TXK: variants seen among roughly 807,000 people sequenced by gnomAD.
TXK encodes the protein tyrosine-protein kinase TXK.
TXK carries 60 observed loss-of-function variants against 81.0 expected under a neutral mutation model. The ratio of observed to expected loss-of-function variants is 0.74; its 90% confidence interval spans 0.60 to 0.92. The LOEUF is 0.92. TXK is among the 40% of genes least tolerant of loss of function. TXK has a pLI of 0.00. For synonymous variants in TXK, 203 were observed against 210.7 expected, an observed-to-expected ratio of 0.96 and a Z score of 0.32; for missense variants, 581 against 638.3, an observed-to-expected ratio of 0.91 and a Z score of 0.97.
chr4:48,093,944 G>T, intron 8 of TXK, 133 bp downstream of exon 8: 1 of 1,251,280 alleles, frequency 8.0e-7, no homozygotes, highest in Non-Finnish European at 1.1e-6. Context: ...TTGCTCAAAA[G>T]ATAAGTTGTA....
chr4:48,100,034 C>T (rs1211664121), intron 6 of TXK, among the ~76,000 whole-genome samples: 3 of 151,078 alleles, frequency 2.0e-5, no homozygotes, highest in Non-Finnish European at 4.4e-5. Context: ...TAGCCGGGCG[C>T]AGTGGCGGGC....
rs11341305 is a variant in TXK, at chr4:48,100,171, CAAAAAAA to C, written c.501+4723_501+4729del. ...TGGGCGACAGAAAGAGACTCCATCT[CAAAAAAA>C]AAAAAAAAAAAAAAAAATGCATAAA... On this transcript the variant is annotated intron_variant, in intron 6 of 14. Coordinates refer to ENST00000264316, the MANE Select transcript of TXK (RefSeq NM_003328.3). Among the ~76,000 whole-genome samples the C allele has an allele frequency of 3.2e-4, 17 of 53,952 alleles. 1 individual carries two copies. Among genetic ancestry groups the C allele is most frequent in the South Asian group, 7.6e-4 (1 of 1,310 alleles). 35.4% of individuals were successfully genotyped at this position (53,952 alleles called of 152,430 possible). A position where few individuals can be genotyped will look rare whatever the true frequency, so the allele number is the denominator to read the frequency against.
intron 8 of TXK, among the ~76,000 whole-genome samples, chr4:48,093,120 C>T (rs912232655): frequency 1.3e-5 from 2 of 152,306 alleles, no homozygotes; most frequent in Middle Eastern, 3.4e-3. Context: ...TCTCTAGCTA[C>T]AACTAAGACC....
Position 48,112,370 on chromosome 4 carries a change from G to C in TXK, c.317C>G (p.Ala106Gly). The C allele has an allele frequency of 6.2e-7, 1 of 1,614,132 alleles. No homozygotes were observed. ...TTTCTCCAGTATCAGGTATTCTTCT[G>C]CTCTCCTTAAGGCTAAATTACAGGG... Reference protein sequence around the residue: ...REPCNLALRRAEEYLILEKYN... With the variant: ...REPCNLALRRGEEYLILEKYN... Residue 106 changes from alanine to glycine, a missense_variant, in exon 4 of 15, where the codon GCA becomes GGA. Ala to Gly is a moderately conservative substitution (Grantham distance 60). Coordinates refer to ENST00000264316, the MANE Select transcript of TXK (RefSeq NM_003328.3).
chr4:48,128,978 G>A (rs1433116565), intron 1 of TXK, among the ~76,000 whole-genome samples: 1 of 152,036 alleles, frequency 6.6e-6, no homozygotes, highest in Non-Finnish European at 1.5e-5. Context: ...GCTATAGCAT[G>A]GATGGATTTC....
chr4:48,085,332 C>T (rs1028931503), intron 10 of TXK, among the ~76,000 whole-genome samples: 4 of 151,812 alleles, frequency 2.6e-5, no homozygotes, highest in East Asian at 3.9e-4. Flanking sequence ...TTTTGGCCAC[C>T]GGAGGATGCC....
chr4:48,105,148 A>ATAT (rs1718411760), intron 5 of TXK, among the ~76,000 whole-genome samples, 193 bp from the exon 6 acceptor site: 1 of 152,204 alleles, frequency 6.6e-6, no homozygotes, highest in Non-Finnish European at 1.5e-5. Flanking sequence ...TTTCAAATCA[A>ATAT]TATCTAGTTT....
chr4:48,131,422 C>G (rs1719245031), intron 1 of TXK, among the ~76,000 whole-genome samples: 1 of 150,036 alleles, frequency 6.7e-6, no homozygotes, highest in Non-Finnish European at 1.5e-5. Context: ...TCAGCTTAAG[C>G]AATCTTCTTC....
chr4:48,073,885 G>T, intron 13 of TXK, 50 bp downstream of exon 13: 2 of 1,187,922 alleles, frequency 1.7e-6, no homozygotes, highest in Non-Finnish European at 2.4e-6. Context: ...ATAACACATT[G>T]CCCATTTTAT....
At chr4:48,094,932 A>T (rs1310948882) in intron 7 of TXK, among the ~76,000 whole-genome samples, 2 of 152,168 alleles carry the variant, frequency 1.3e-5, no homozygotes, top group East Asian at 3.8e-4. Flanking sequence ...CCCCCTCTTT[A>T]CTTTATGGTT....
intron 1 of TXK, among the ~76,000 whole-genome samples, chr4:48,131,157 G>A (rs1041838903): frequency 6.6e-6 from 1 of 152,110 alleles, no homozygotes; most frequent in Non-Finnish European, 1.5e-5. Flanking sequence ...CACTGGAGCA[G>A]TGCCCTGAGA....
At chr4:48,113,127 A>C in intron 3 of TXK, 80 bp downstream of exon 3, 1 of 966,904 alleles carries the variant, frequency 1.0e-6, no homozygotes. Flanking sequence ...GATTCTGGGC[A>C]ACAAACAGCA....
Position 48,094,155 on chromosome 4 carries a change from C to T in TXK, c.631G>A (p.Gly211Arg), listed in dbSNP as rs1717887101. The part of the protein sequence containing the change: ...KHYQIKKNDS[G>R]QWYVAERHAF... ...TGTCTTTCAGCCACATACCACTGTCCTGAGTCATTCTTTTTTATCTGATAA... is the reference window on the plus strand; with the variant it reads ...TGTCTTTCAGCCACATACCACTGTCTTGAGTCATTCTTTTTTATCTGATAA... Residue 211 changes from glycine to arginine, a missense_variant, in exon 8 of 15, where the codon GGA becomes AGA. Coordinates refer to ENST00000264316, the MANE Select transcript of TXK (RefSeq NM_003328.3). 5 of 1,613,828 alleles carry T rather than the reference C, an allele frequency of 3.1e-6. No homozygotes were observed. Among genetic ancestry groups the T allele is most frequent in the East Asian group, 2.2e-5 (1 of 44,876 alleles).
chr4:48,106,657 A>T (rs75901514), intron 5 of TXK, among the ~76,000 whole-genome samples: 5 of 152,308 alleles, frequency 3.3e-5, no homozygotes, highest in South Asian at 4.1e-4. Context: ...TAGAAACCCC[A>T]TTAGATCTGA....
chr4:48,119,774 G>A (rs778803815), intron 1 of TXK, among the ~76,000 whole-genome samples: 1 of 152,180 alleles, frequency 6.6e-6, no homozygotes, highest in Admixed American at 6.5e-5. Flanking sequence ...TCTTCAAAGA[G>A]AGGGCACATT....
intron 1 of TXK, among the ~76,000 whole-genome samples, chr4:48,130,988 T>C (rs1191739640): frequency 6.6e-6 from 1 of 152,148 alleles, no homozygotes; most frequent in Non-Finnish European, 1.5e-5. Flanking sequence ...GCAGAGAAAT[T>C]AGGCAAACAG....
In TXK at chr4:48,102,487, T is replaced by C. The variant is rs190047996; in HGVS notation, c.501+2414A>G. Among the ~76,000 whole-genome samples, 6 of 152,240 alleles carry C rather than the reference T, an allele frequency of 3.9e-5. 1 individual carries two copies. Among genetic ancestry groups the C allele is most frequent in the Admixed American group, 3.9e-4 (6 of 15,292 alleles). On this transcript the variant is annotated intron_variant, in intron 6 of 14. Coordinates refer to ENST00000264316, the MANE Select transcript of TXK (RefSeq NM_003328.3). ...ATTGAAAAAAAACTGTGAAACTACT[T>C]GCCACCTGCTGGCAAGAATGTTGGA...
In TXK at chr4:48,073,921, T is replaced by A. The variant is rs1577646577; in HGVS notation, c.1357+14A>T. ...TAAATCAAGCTCCAGCAAGTGAACA[T>A]CAGATGCACTCACCAAATGACCAGA... On this transcript the variant is annotated intron_variant, in intron 13 of 14. Coordinates refer to ENST00000264316, the MANE Select transcript of TXK (RefSeq NM_003328.3). 1.3e-6 allele frequency: 2 copies of A among 1,510,342 alleles called. No individual in the cohort carries two copies. Among genetic ancestry groups the A allele is most frequent in the East Asian group, 2.3e-5 (1 of 44,174 alleles). The allele number at this position is 1,510,342 out of a possible 1,614,324, so 93.6% of individuals were successfully genotyped here.
At chr4:48,096,198 C>CA (rs1717972680) in intron 6 of TXK, among the ~76,000 whole-genome samples, 1 of 152,130 alleles carries the variant, frequency 6.6e-6, no homozygotes, top group Non-Finnish European at 1.5e-5. Flanking sequence ...TCTCTTGCAG[C>CA]CATTCGAAAT....
Sources: gnomAD v4.1 joint callset for allele counts (sites outside exome capture counted in the v4.1 genomes callset) on GRCh38, gnomAD v4.1.1 for gene constraint, MANE v1.5 for transcripts, NCBI Gene and HGNC (gene_info 2026-07-23, HGNC 2026-07-21) for gene names.